The following KIF3B variants were observed in gnomAD, a reference collection of about 807,000 sequenced individuals.
KIF3B encodes kinesin family member 3B.
In KIF3B, 38 loss-of-function variants were observed where a neutral mutation model predicts 74.3. That is an observed-to-expected ratio of 0.51 (90% CI 0.39 to 0.67). The LOEUF (loss-of-function observed/expected upper bound fraction) is 0.67. KIF3B is among the 30% of genes least tolerant of loss of function. The probability of loss-of-function intolerance (pLI) is 0.00; values close to 1 mark genes in which losing one functional copy is unlikely to be tolerated. For missense variants in KIF3B, 649 were observed against 932.0 expected, an observed-to-expected ratio of 0.70 and a Z score of 3.95; for synonymous variants, 326 against 342.5, an observed-to-expected ratio of 0.95 and a Z score of 0.53.
At position 32,327,567 on chromosome 20, in the gene KIF3B, TG is replaced by T; in HGVS notation, c.1875del (p.Met625IlefsTer2). ...CAGTTCATTTCCAGGAACCAGCAGA[TG>T]ATGAAGCGGCCAGTCTCAGCCGTGG... is the stretch of plus-strand genomic sequence containing the variant. Reference protein sequence around the residue: ...HPITRLENQQMMKRPVSAVGY... With the variant: ...HPITRLENQQXMKRPVSAVGY... On this transcript the variant is annotated frameshift_variant, in exon 7 of 9. Coordinates refer to ENST00000375712, the MANE Select transcript of KIF3B (RefSeq NM_004798.4). LOFTEE classifies it high-confidence loss of function. 6.2e-7 allele frequency: 1 copy of T among 1,613,232 alleles called. No individual in the cohort carries two copies. The highest frequency in any genetic ancestry group is 8.5e-7 in the Non-Finnish European group (1 of 1,179,512).
intron 2 of KIF3B, among the ~76,000 whole-genome samples, chr20:32,315,841 G>C (rs892093316): frequency 2.0e-5 from 3 of 152,040 alleles, no homozygotes; most frequent in African/African-American, 7.2e-5. Context: ...TTGCTTGTCT[G>C]TTTTCCTCAG....
chr20:32,328,759 G>A (rs758466814), intron 7 of KIF3B, among the ~76,000 whole-genome samples: 2 of 152,094 alleles, frequency 1.3e-5, no homozygotes, highest in African/African-American at 2.4e-5. Context: ...TGGACCTGTC[G>A]TAAAGAACTT....
intron 7 of KIF3B, among the ~76,000 whole-genome samples, chr20:32,328,277 A>AG (rs2047913826): frequency 6.6e-6 from 1 of 152,008 alleles, no homozygotes; most frequent in East Asian, 1.9e-4. Context: ...CACAAAAATT[A>AG]GCTGGGTATG....
At chr20:32,313,207 C>T (rs868159574) in intron 2 of KIF3B, among the ~76,000 whole-genome samples, 7 of 152,134 alleles carry the variant, frequency 4.6e-5, no homozygotes, top group Admixed American at 6.6e-5. Flanking sequence ...CTGCAGTTGC[C>T]TGGACTCTGA....
intron 1 of KIF3B, among the ~76,000 whole-genome samples, chr20:32,293,222 C>G (rs181045807): frequency 9.9e-4 from 151 of 152,212 alleles, no homozygotes; most frequent in African/African-American, 3.5e-3. Flanking sequence ...CCACTGCACT[C>G]CAGCCTGGGC....
In KIF3B at chr20:32,286,678, A is replaced by G. The variant is rs545307824; in HGVS notation, c.-66+8913A>G. Among the ~76,000 whole-genome samples the G allele has an allele frequency of 3.9e-5, 6 of 152,346 alleles. No homozygotes were observed. In the South Asian group the frequency reaches 6.2e-4, roughly 16 times the overall value. ...ACTTTAAGATCCACCACTGAGAAAT[A>G]ACTACTGTTAACATTTTACTGTCCA... On this transcript the variant is annotated intron_variant, in intron 1 of 8. Coordinates refer to ENST00000375712, the MANE Select transcript of KIF3B (RefSeq NM_004798.4).
intron 1 of KIF3B, among the ~76,000 whole-genome samples, chr20:32,302,778 G>C (rs1451653578): frequency 6.6e-6 from 1 of 152,166 alleles, no homozygotes; most frequent in Non-Finnish European, 1.5e-5. Context: ...GCAGGCGTCT[G>C]TTGAAATGGA....
chr20:32,298,715 C>T (rs747318896), intron 1 of KIF3B, among the ~76,000 whole-genome samples: 1 of 151,108 alleles, frequency 6.6e-6, no homozygotes, highest in Non-Finnish European at 1.5e-5. Context: ...GGGTCTCACT[C>T]TGGAGTGCAG....
chr20:32,304,123 G>A (rs2047757760), intron 1 of KIF3B, among the ~76,000 whole-genome samples: 1 of 152,168 alleles, frequency 6.6e-6, no homozygotes, highest in Non-Finnish European at 1.5e-5. Context: ...AGGGTAAGAC[G>A]TCTTCTGGAT....
intron 1 of KIF3B, among the ~76,000 whole-genome samples, chr20:32,278,255 G>A (rs899768036): frequency 7.9e-5 from 12 of 152,084 alleles, no homozygotes; most frequent in African/African-American, 2.9e-4. Context: ...CTAGATGGGA[G>A]ACCAAGAGGG....
intron 1 of KIF3B, among the ~76,000 whole-genome samples, chr20:32,285,134 G>A (rs2047661818): frequency 6.7e-6 from 1 of 149,938 alleles, no homozygotes; most frequent in African/African-American, 2.4e-5. Flanking sequence ...TTGAAAGAAT[G>A]TTTGAGAAAA....
In KIF3B at chr20:32,332,227, G is replaced by A. The variant is rs1207655724; in HGVS notation, c.*908G>A. 1 of 152,820 alleles carries A rather than the reference G, an allele frequency of 6.5e-6. No homozygotes were observed. The highest frequency in any genetic ancestry group is 1.5e-5 in the Non-Finnish European group (1 of 68,186). 9.5% of individuals were successfully genotyped at this position (152,820 alleles called of 1,614,324 possible). A position where few individuals can be genotyped will look rare whatever the true frequency, so the allele number is the denominator to read the frequency against. The stretch of plus-strand genomic sequence containing the variant: ...CAGTGGGCCTGTTTTGTGGAAGAAA[G>A]GAGGCTGTCTCTGCCTTCTCTGATG... On this transcript the variant is annotated 3_prime_UTR_variant, in exon 9 of 9. Transcript: ENST00000375712.
chr20:32,310,248 A>G lies in KIF3B; in HGVS notation c.471A>G (p.Ser157=). The part of the protein sequence containing the change: ...IYQEEIRDLL[S]KDQTKRLELK... ...AGGAGGAGATCCGAGATTTGCTCTC[A>G]AAGGATCAGACCAAAAGGCTTGAGC... is the stretch of plus-strand genomic sequence containing the variant. Residue 157 remains serine, a synonymous_variant, in exon 2 of 9, where the codon TCA becomes TCG. Coordinates refer to ENST00000375712, the MANE Select transcript of KIF3B (RefSeq NM_004798.4). This position sits in a 1 kb window ranked among gnomAD's most constrained non-coding sequence, Gnocchi z 6.5. 2 of 1,614,006 alleles carry G rather than the reference A, an allele frequency of 1.2e-6. No individual in the cohort carries two copies. Among genetic ancestry groups the G allele is most frequent in the Non-Finnish European group, 1.7e-6 (2 of 1,179,978 alleles).
In KIF3B at chr20:32,277,707, C is replaced by A. The variant is rs909164715; in HGVS notation, c.-124C>A. 7.3e-5 allele frequency: 14 copies of A among 192,086 alleles called. No homozygotes were observed. The highest frequency in any genetic ancestry group is 3.5e-4 in the African/African-American group (13 of 36,886). 11.9% of individuals were successfully genotyped at this position (192,086 alleles called of 1,614,324 possible). Reference sequence around the variant, plus strand: ...TGGCTGAGCCAGGGGTTCGCCGCCCCCGCCGCCGCCGCCGCCGCCGCCGCC... The same window carrying A: ...TGGCTGAGCCAGGGGTTCGCCGCCCACGCCGCCGCCGCCGCCGCCGCCGCC... On this transcript the variant is annotated 5_prime_UTR_variant, in exon 1 of 9. Transcript: ENST00000375712.
rs1569207656 is a variant in KIF3B at position 32,322,728 on chromosome 20, TTATTTATA to T, written c.1749-4039_1749-4032del. Among the ~76,000 whole-genome samples the T allele has an allele frequency of 4.0e-4, 17 of 42,634 alleles. 1 individual carries two copies. The highest frequency in any genetic ancestry group is 7.2e-3 in the East Asian group (1 of 138). 28.0% of individuals were successfully genotyped at this position (42,634 alleles called of 152,430 possible). On this transcript the variant is annotated intron_variant, in intron 5 of 8. Coordinates refer to ENST00000375712, the MANE Select transcript of KIF3B (RefSeq NM_004798.4). ...TATATTTATATATATTTATATTTAT[TTATTTATA>T]TATATTTATTTATATATATATTTAT... is the stretch of plus-strand genomic sequence containing the variant.
At chr20:32,299,820 C>A (rs574842743) in intron 1 of KIF3B, among the ~76,000 whole-genome samples, 1 of 151,990 alleles carries the variant, frequency 6.6e-6, no homozygotes, top group African/African-American at 2.4e-5. Context: ...ACAGGGTCTT[C>A]CTCTGTGACT....
chr20:32,298,386 C>T lies in KIF3B; in HGVS notation c.-65-11327C>T, dbSNP rs558912983. Reference sequence around the variant, plus strand: ...CGGAGGTTGCAGTGAGCTGTGATTGCGCCACTGCACTCCAGCCTGGGTGAC... The same window carrying T: ...CGGAGGTTGCAGTGAGCTGTGATTGTGCCACTGCACTCCAGCCTGGGTGAC... On this transcript the variant is annotated intron_variant, in intron 1 of 8. Transcript: ENST00000375712. Among the ~76,000 whole-genome samples, 14 of 151,988 alleles carry T rather than the reference C, an allele frequency of 9.2e-5. No homozygotes were observed. The South Asian group carries it at 1.5e-3, about 16-fold the overall frequency.
At chr20:32,303,562 TA>T (rs113124237) in intron 1 of KIF3B, among the ~76,000 whole-genome samples, 2,236 of 137,720 alleles carry the variant, frequency 0.016, 15 homozygotes, top group South Asian at 0.053. Flanking sequence ...GAGACTCCGT[TA>T]AAAAAAAAAA....
Position 32,330,194 on chromosome 20 carries a change from C to T in KIF3B, c.2022C>T (p.Asp674=). The change falls in exon 8 of 9, where the codon GAC becomes GAT. Residue 674 remains aspartate, a synonymous_variant. Coordinates refer to ENST00000375712, the MANE Select transcript of KIF3B (RefSeq NM_004798.4). ...ELDMPSRTTR[D]YEGPAIAPKV... is the part of the protein sequence containing the mutation. ...ACATGCCCAGCCGGACCACCAGAGACTATGAGGGTCCAGCCATTGCCCCCA... is the reference window on the plus strand; with the variant it reads ...ACATGCCCAGCCGGACCACCAGAGATTATGAGGGTCCAGCCATTGCCCCCA... 1.2e-6 allele frequency: 2 copies of T among 1,614,106 alleles called. No homozygotes were observed. Among genetic ancestry groups the T allele is most frequent in the Non-Finnish European group, 1.7e-6 (2 of 1,180,010 alleles).
Sources: gnomAD v4.1 joint callset for allele counts (sites outside exome capture counted in the v4.1 genomes callset) on GRCh38, gnomAD v4.1.1 for gene constraint, Gnocchi (gnomAD v3.1) non-coding constraint, MANE v1.5 for transcripts, NCBI Gene and HGNC (gene_info 2026-07-23, HGNC 2026-07-21) for gene names.